Variants in VWA2 observed in about 807,000 individuals in gnomAD.
VWA2 encodes von Willebrand factor A domain-containing protein 2.
In VWA2, 73 loss-of-function variants were observed where a neutral mutation model predicts 70.4. That is an observed-to-expected ratio of 1.04 (90% CI 0.86 to 1.26). The LOEUF is 1.26. VWA2 is among the 50% of genes most tolerant of loss of function. The pLI is 0.00. For synonymous variants in VWA2, 407 were observed against 423.3 expected (o/e 0.96, Z 0.47); for missense variants, 1,011 against 998.5 (o/e 1.01, Z -0.17).
intron 9 of VWA2, among the ~76,000 whole-genome samples, chr10:114,283,401 G>C (rs1205835799): frequency 6.6e-6 from 1 of 151,860 alleles, no homozygotes; most frequent in African/African-American, 2.4e-5. Flanking sequence ...AGACACACAG[G>C]CAGGGTAGCG....
chr10:114,257,558 G>C (rs2037357352), intron 4 of VWA2, among the ~76,000 whole-genome samples: 1 of 152,202 alleles, frequency 6.6e-6, no homozygotes, highest in Non-Finnish European at 1.5e-5. Flanking sequence ...CCTCAGGAGA[G>C]AGTTAAGTGT....
At position 114,291,392 on chromosome 10, in the gene VWA2, A is replaced by C; in HGVS notation, c.*155A>C. On this transcript the variant is annotated 3_prime_UTR_variant, in exon 14 of 14. Transcript: ENST00000392982. ...CGCCGTGGCCAGGACCACTATTCTC[A>C]CTGAGGGAGGAGGATGTCCCAACTG... The C allele has an allele frequency of 7.5e-5, 63 of 839,044 alleles. No individual in the cohort carries two copies. The highest frequency in any genetic ancestry group is 9.9e-5 in the Non-Finnish European group (56 of 563,038). 52.0% of individuals were successfully genotyped at this position (839,044 alleles called of 1,614,324 possible).
At chr10:114,290,953 A>G (rs2133734282) in intron 13 of VWA2, among the ~76,000 whole-genome samples, 1 of 152,280 alleles carries the variant, frequency 6.6e-6, no homozygotes, top group South Asian at 2.1e-4. Context: ...GCTCCTGTTC[A>G]TGAGTTTGAA....
At chr10:114,243,128 C>T (rs983067042) in intron 1 of VWA2, among the ~76,000 whole-genome samples, 2 of 152,190 alleles carry the variant, frequency 1.3e-5, no homozygotes, top group Non-Finnish European at 2.9e-5. Flanking sequence ...CAGATATCAT[C>T]CATCAAAACA....
At chr10:114,261,816 C>A (rs1388302573) in intron 5 of VWA2, among the ~76,000 whole-genome samples, 1 of 152,114 alleles carries the variant, frequency 6.6e-6, no homozygotes, top group African/African-American at 2.4e-5. Context: ...TAAAGAAATA[C>A]CTGAGGCTGG....
chr10:114,284,987 C>G lies in VWA2; in HGVS notation c.997+17C>G. The G allele has an allele frequency of 6.4e-7, 1 of 1,556,676 alleles. No homozygotes were observed. The highest frequency in any genetic ancestry group is 8.7e-7 in the Non-Finnish European group (1 of 1,153,224). On this transcript the variant is annotated intron_variant, in intron 10 of 13. Coordinates refer to ENST00000392982, the MANE Select transcript of VWA2 (RefSeq NM_001272046.2). The stretch of plus-strand genomic sequence containing the variant: ...CTAACTGTGGTAGGTATGCACCGGC[C>G]CTGCAAGACTGACCACTGGGGAGCA...
At position 114,290,264 on chromosome 10, in the gene VWA2, G is replaced by A; in HGVS notation, c.2147G>A (p.Cys716Tyr). The change falls in exon 13 of 14, where the codon TGC becomes TAC. Residue 716 changes from cysteine (C) to tyrosine (Y), a missense_variant. Cys to Tyr is a radical substitution (Grantham distance 194). Transcript: ENST00000392982. The part of the protein sequence containing the change: ...CGEAKQPVNL[C>Y]KPSPCMNEGS... The stretch of plus-strand genomic sequence containing the variant: ...GAAGCCAAGCAGCCAGTCAACCTCT[G>A]CAAACCCAGCCCGTGCATGAATGAG... 6.4e-7 allele frequency: 1 copy of A among 1,550,522 alleles called. No individual in the cohort carries two copies. Among genetic ancestry groups the A allele is most frequent in the South Asian group, 1.2e-5 (1 of 84,054 alleles).
At position 114,268,871 on chromosome 10, in the gene VWA2, A is replaced by G. The variant is rs533882142; in HGVS notation, c.372-3869A>G. ...CACCATGCCTGGCTAATTTTTTTGTATTTTTAGTAGCAACAGGGTTTTACC... is the reference window on the plus strand; with the variant it reads ...CACCATGCCTGGCTAATTTTTTTGTGTTTTTAGTAGCAACAGGGTTTTACC... On this transcript the variant is annotated intron_variant, in intron 5 of 13. Coordinates refer to ENST00000392982, the MANE Select transcript of VWA2 (RefSeq NM_001272046.2). Among the ~76,000 whole-genome samples, 42 of 151,882 alleles carry G rather than the reference A, an allele frequency of 2.8e-4. 1 individual carries two copies. The South Asian group carries it at 8.7e-3, about 32-fold the overall frequency.
intron 5 of VWA2, among the ~76,000 whole-genome samples, chr10:114,268,451 G>A (rs1453278572): frequency 6.6e-6 from 1 of 151,972 alleles, no homozygotes; most frequent in African/African-American, 2.4e-5. Context: ...CCCTTCTCTG[G>A]ACTCTCCTAT....
At chr10:114,242,452 G>C (rs967727527) in intron 1 of VWA2, among the ~76,000 whole-genome samples, 1 of 152,106 alleles carries the variant, frequency 6.6e-6, no homozygotes, top group Non-Finnish European at 1.5e-5. Flanking sequence ...ATGCCTCTGT[G>C]TACCACGTGC....
In VWA2 at chr10:114,293,263, T is replaced by TA. The variant is rs145968793; in HGVS notation, c.*2027dup. Among the ~76,000 whole-genome samples, 1 of 152,382 alleles carries TA rather than the reference T, an allele frequency of 6.6e-6. No individual in the cohort carries two copies. Among genetic ancestry groups the TA allele is most frequent in the African/African-American group, 2.4e-5 (1 of 41,594 alleles). ...GTCCGGGGCAGGATCACATGCTCCC[T>TA]AGCAGATGCTGATCAGTGATGTCAT... On this transcript the variant is annotated 3_prime_UTR_variant, in exon 14 of 14. Coordinates refer to ENST00000392982, the MANE Select transcript of VWA2 (RefSeq NM_001272046.2).
rs148301920 is a variant in VWA2, at chr10:114,243,260, T to A, written c.-11+3691T>A. The stretch of plus-strand genomic sequence containing the variant: ...CCCTCCAGGGAGTTCACAAATGGCA[T>A]GTTGCTTATTTCTTGGTGCGGACTT... On this transcript the variant is annotated intron_variant, in intron 1 of 13. Transcript: ENST00000392982. Among the ~76,000 whole-genome samples the A allele has an allele frequency of 1.3e-3, 201 of 152,340 alleles. 1 individual carries two copies. The highest frequency in any genetic ancestry group is 4.7e-3 in the African/African-American group (196 of 41,580).
At chr10:114,255,507 G>T (rs1236869795) in intron 4 of VWA2, among the ~76,000 whole-genome samples, 1 of 152,152 alleles carries the variant, frequency 6.6e-6, no homozygotes, top group African/African-American at 2.4e-5. Flanking sequence ...ATGTTTTTGG[G>T]GTAGGGAGTA....
intron 11 of VWA2, among the ~76,000 whole-genome samples, chr10:114,287,463 G>A (rs189208347): frequency 2.0e-5 from 3 of 152,290 alleles, no homozygotes; most frequent in East Asian, 3.9e-4. Flanking sequence ...TTACAGGCTT[G>A]AGTGAAATGT....
chr10:114,259,152 A>G (rs779851795), intron 4 of VWA2, among the ~76,000 whole-genome samples: 10 of 152,214 alleles, frequency 6.6e-5, no homozygotes, highest in Non-Finnish European at 1.5e-4. Context: ...TTACATTTCT[A>G]CAAGCAATGT....
intron 2 of VWA2, among the ~76,000 whole-genome samples, 193 bp from the exon 3 acceptor site, chr10:114,253,458 C>T (rs1371206541): frequency 6.8e-6 from 1 of 147,126 alleles, no homozygotes; most frequent in East Asian, 2.1e-4. Flanking sequence ...TACAAAGATA[C>T]CTCATAGAAG....
Position 114,282,087 on chromosome 10 carries a change from G to A in VWA2, c.834-429G>A, listed in dbSNP as rs188750394. Among the ~76,000 whole-genome samples, 425 of 132,162 alleles carry A rather than the reference G, an allele frequency of 3.2e-3. 1 individual carries two copies. Among genetic ancestry groups the A allele is most frequent in the Non-Finnish European group, 5.7e-3 (367 of 64,734 alleles). The allele number at this position is 132,162 out of a possible 152,430, so 86.7% of individuals were successfully genotyped here. On this transcript the variant is annotated intron_variant, in intron 8 of 13. Transcript: ENST00000392982. ...TGCAGTTGTGCAATCTCGGCTCACC[G>A]CAACCTCTGCCTCCTGGGTTCAAGC... is the stretch of plus-strand genomic sequence containing the variant.
chr10:114,264,299 C>T (rs1428469904), intron 5 of VWA2, among the ~76,000 whole-genome samples: 2 of 152,210 alleles, frequency 1.3e-5, no homozygotes, highest in Non-Finnish European at 2.9e-5. Flanking sequence ...CAATGGAATA[C>T]TATTCAACTG....
Position 114,254,973 on chromosome 10 carries a change from C to A in VWA2, c.186C>A (p.Val62=), listed in dbSNP as rs765623694. The A allele has an allele frequency of 6.2e-7, 1 of 1,613,164 alleles. No individual in the cohort carries two copies. Among genetic ancestry groups the A allele is most frequent in the African/African-American group, 1.3e-5 (1 of 74,860 alleles). Residue 62 remains valine (V), a synonymous_variant, in exon 4 of 14, where the codon GTC becomes GTA. Transcript: ENST00000392982. ...IMFLLDGSNS[V]GKGSFERSKH... is the part of the protein sequence containing the mutation. The stretch of plus-strand genomic sequence containing the variant: ...TTCTGTTAGATGGGTCTAACAGCGT[C>A]GGGAAAGGGAGCTTTGAAAGGTCCA...
Sources: allele counts gnomAD v4.1 joint callset (sites outside exome capture counted in the v4.1 genomes callset), GRCh38; gene constraint gnomAD v4.1.1; transcripts MANE v1.5; gene names NCBI Gene and HGNC (gene_info 2026-07-23, HGNC 2026-07-21).